GFPT2: variants seen among roughly 807,000 people sequenced by gnomAD.
GFPT2 encodes the protein glutamine--fructose-6-phosphate aminotransferase [isomerizing] 2.
A neutral mutation model predicts 85.6 loss-of-function variants in GFPT2; 62 were observed. The ratio of observed to expected loss-of-function variants is 0.72; its 90% CI spans 0.59 to 0.90. The LOEUF is 0.90. Among genes scored for constraint, GFPT2 ranks in the 40% least tolerant of loss-of-function variants. GFPT2 has a pLI of 0.00. For missense variants in GFPT2, 788 were observed against 893.4 expected (o/e 0.88, Z 1.50); for synonymous variants, 368 against 344.5 (o/e 1.07, Z -0.75).
intron 15 of GFPT2, among the ~76,000 whole-genome samples, chr5:180,308,841 T>A (rs981424553): frequency 1.3e-5 from 2 of 152,098 alleles, no homozygotes; most frequent in African/African-American, 4.8e-5. Flanking sequence ...AAAATCACCT[T>A]GTTGAAGTCA....
Position 180,330,393 on chromosome 5 carries a change from C to T in GFPT2, c.534+307G>A, listed in dbSNP as rs1001281526. Among the ~76,000 whole-genome samples, 3 of 152,156 alleles carry T rather than the reference C, an allele frequency of 2.0e-5. No individual in the cohort carries two copies. The highest frequency in any genetic ancestry group is 7.2e-5 in the African/African-American group (3 of 41,430). On this transcript the variant is annotated intron_variant, in intron 6 of 18. Coordinates refer to ENST00000253778, the MANE Select transcript of GFPT2 (RefSeq NM_005110.4). The surrounding 1 kb of genome is among the most constrained non-coding windows in gnomAD (Gnocchi z 4.4). Reference sequence around the variant, plus strand: ...TCTCTGCACACCACCACCAAGCTCACGTGTGCATCATAAAAAGCCACGGAC... The same window carrying T: ...TCTCTGCACACCACCACCAAGCTCATGTGTGCATCATAAAAAGCCACGGAC...
intron 1 of GFPT2, among the ~76,000 whole-genome samples, chr5:180,347,035 T>C (rs1404077418): frequency 2.0e-5 from 3 of 152,174 alleles, no homozygotes; most frequent in Admixed American, 6.5e-5. Flanking sequence ...CAGTCTTATT[T>C]CTCACATTGA....
chr5:180,311,633 G>A (rs922401861), intron 15 of GFPT2, among the ~76,000 whole-genome samples: 15 of 152,216 alleles, frequency 9.9e-5, no homozygotes, highest in African/African-American at 3.6e-4. Context: ...CAGCTGTCCA[G>A]TGGCAGCTCT....
At chr5:180,316,059 A>G (rs919374669) in intron 13 of GFPT2, among the ~76,000 whole-genome samples, 10 of 152,238 alleles carry the variant, frequency 6.6e-5, no homozygotes, top group African/African-American at 2.2e-4. Context: ...AGTCTTGGAT[A>G]GGCAAGAAGA....
chr5:180,315,064 G>A (rs552883639), intron 13 of GFPT2, among the ~76,000 whole-genome samples: 44 of 152,276 alleles, frequency 2.9e-4, no homozygotes, highest in African/African-American at 1.0e-3. Flanking sequence ...CAACAAAATG[G>A]AAATGGTATT....
At chr5:180,312,368 G>A in intron 15 of GFPT2, 62 bp downstream of exon 15, 1 of 878,994 alleles carries the variant, frequency 1.1e-6, no homozygotes, top group Middle Eastern at 2.2e-4. Context: ...AGAGTCAACA[G>A]AGAATGGCCA....
intron 16 of GFPT2, among the ~76,000 whole-genome samples, chr5:180,306,130 G>A (rs1425284011): frequency 7.2e-5 from 11 of 152,044 alleles, no homozygotes; most frequent in South Asian, 2.1e-4. Context: ...GATTACAGGC[G>A]TGCACCACCA....
intron 1 of GFPT2, among the ~76,000 whole-genome samples, chr5:180,347,712 G>A (rs966015011): frequency 1.3e-5 from 2 of 152,134 alleles, no homozygotes; most frequent in South Asian, 2.1e-4. Flanking sequence ...TAACGACAAT[G>A]GCCAGCGCAG....
intron 15 of GFPT2, among the ~76,000 whole-genome samples, chr5:180,309,814 TC>T (rs1383554628): frequency 1.3e-5 from 2 of 149,098 alleles, no homozygotes; most frequent in African/African-American, 2.6e-5. Flanking sequence ...TCAAGGCCAT[TC>T]CTTTTTTTTT....
In GFPT2 at chr5:180,335,835, T is replaced by C; in HGVS notation, c.333A>G (p.Lys111=). ...AVNSHPQRSD[K]GNEFVVIHNG... is the part of the protein sequence containing the mutation. ...GGGAAGCATGCCACATACCGTTGCCTTTGTCTGAGCGCTGAGGGTGGCTGT... is the reference window on the plus strand; with the variant it reads ...GGGAAGCATGCCACATACCGTTGCCCTTGTCTGAGCGCTGAGGGTGGCTGT... The change falls in exon 4 of 19, where the codon AAA becomes AAG. Residue 111 remains lysine (K), a synonymous_variant. Coordinates refer to ENST00000253778, the MANE Select transcript of GFPT2 (RefSeq NM_005110.4). 6.2e-7 allele frequency: 1 copy of C among 1,600,656 alleles called. No individual in the cohort carries two copies. Among genetic ancestry groups the C allele is most frequent in the Non-Finnish European group, 8.5e-7 (1 of 1,175,096 alleles).
At chr5:180,322,705 C>A (rs906712002) in intron 9 of GFPT2, among the ~76,000 whole-genome samples, 1 of 152,142 alleles carries the variant, frequency 6.6e-6, no homozygotes, top group Non-Finnish European at 1.5e-5. Flanking sequence ...ATAATTATTT[C>A]CTCTCCTTTC....
In GFPT2 at chr5:180,303,232, A is replaced by C. The variant is rs1221592581; in HGVS notation, c.1843-648T>G. Among the ~76,000 whole-genome samples, 267 of 150,396 alleles carry C rather than the reference A, an allele frequency of 1.8e-3. 1 individual carries two copies. Among genetic ancestry groups the C allele is most frequent in the African/African-American group, 6.3e-3 (260 of 41,224 alleles). On this transcript the variant is annotated intron_variant, in intron 17 of 18. Transcript: ENST00000253778. ...GCGACAGAGCCAGACTCCGTCACAA[A>C]AAAAAAAAAAAAATGAATTCCAAAG...
At chr5:180,343,771 A>C (rs925912525) in intron 1 of GFPT2, among the ~76,000 whole-genome samples, 1 of 152,264 alleles carries the variant, frequency 6.6e-6, no homozygotes, top group African/African-American at 2.4e-5. Context: ...CCTTCCATCC[A>C]TAAATAAAAG....
intron 17 of GFPT2, 126 bp from the exon 18 acceptor site, chr5:180,302,710 A>T: frequency 2.9e-6 from 2 of 686,678 alleles, no homozygotes; most frequent in Admixed American, 2.5e-5. Context: ...TGCTGGAGTC[A>T]TGGGTGAGGT....
intron 13 of GFPT2, among the ~76,000 whole-genome samples, chr5:180,314,551 C>T (rs1034907787): frequency 2.0e-5 from 3 of 152,218 alleles, no homozygotes; most frequent in Non-Finnish European, 4.4e-5. Context: ...TTAAATTCAG[C>T]ATAAGCCAGA....
chr5:180,352,390 TTCCCGGCTCTC>T (rs1035282661), intron 1 of GFPT2: 10 of 451,466 alleles, frequency 2.2e-5, no homozygotes, highest in Admixed American at 4.8e-5. Flanking sequence ...CCAGCAGAAG[TTCCCGGCTCTC>T]TCCCGGCCAG....
intron 17 of GFPT2, among the ~76,000 whole-genome samples, chr5:180,303,920 A>C (rs536843210): frequency 1.3e-5 from 2 of 152,304 alleles, no homozygotes; most frequent in African/African-American, 4.8e-5. Flanking sequence ...TAGAAAGGCC[A>C]GCCACATGAT....
At chr5:180,312,024 AGGCGGG>A (rs1763898070) in intron 15 of GFPT2, among the ~76,000 whole-genome samples, 2 of 80,316 alleles carry the variant, frequency 2.5e-5, no homozygotes, top group South Asian at 4.4e-4. Flanking sequence ...GGAGGCAGGG[AGGCGGG>A]GAGGTGGGGA....
chr5:180,351,476 A>AAGCC (rs1397473634), intron 1 of GFPT2, among the ~76,000 whole-genome samples: 1 of 151,950 alleles, frequency 6.6e-6, no homozygotes, highest in Non-Finnish European at 1.5e-5. Flanking sequence ...GAAGGCACCT[A>AAGCC]AGCCAGCACG....
Sources: allele counts gnomAD v4.1 joint callset (sites outside exome capture counted in the v4.1 genomes callset), GRCh38; gene constraint gnomAD v4.1.1; non-coding constraint Gnocchi (gnomAD v3.1); transcripts MANE v1.5; gene names NCBI Gene and HGNC (gene_info 2026-07-23, HGNC 2026-07-21).